The following ANKAR variants were observed in gnomAD, a reference collection of about 807,000 sequenced individuals.
The protein encoded by ANKAR is ankyrin and armadillo repeat-containing protein.
A neutral mutation model predicts 146.2 loss-of-function variants in ANKAR; 136 were observed. The observed-to-expected ratio is 0.93, with a 90% confidence interval of 0.81 to 1.07. The LOEUF is 1.07. Ranked by LOEUF, ANKAR falls within the 50% of genes least tolerant of loss-of-function variation. ANKAR has a pLI of 0.00. For synonymous variants in ANKAR, 500 were observed against 575.8 expected (o/e 0.87, Z 1.88); for missense variants, 1,567 against 1,679.9 (o/e 0.93, Z 1.18).
At chr2:189,696,998 G>T (rs1286838331) in intron 7 of ANKAR, among the ~76,000 whole-genome samples, 2 of 152,068 alleles carry the variant, frequency 1.3e-5, no homozygotes, top group Non-Finnish European at 2.9e-5. Flanking sequence ...TATTAAATAT[G>T]CATGGATATT....
chr2:189,750,681 AT>A (rs757510050), downstream of ANKAR: 67 of 1,538,870 alleles, frequency 4.4e-5, no homozygotes, highest in African/African-American at 8.4e-4. Flanking sequence ...GACAAATCGT[AT>A]TATTTATTTG....
At chr2:189,744,919 A>T (rs2105909980) in intron 22 of ANKAR, 131 bp downstream of exon 22, 1 of 636,688 alleles carries the variant, frequency 1.6e-6, no homozygotes, top group East Asian at 3.2e-5. Flanking sequence ...GCACTTTGGG[A>T]GGCCGAGGTG....
At chr2:189,757,284 A>T (rs2046218699) in intron 18 of ANKAR, among the ~76,000 whole-genome samples, 1 of 152,190 alleles carries the variant, frequency 6.6e-6, no homozygotes, top group Admixed American at 6.5e-5. Context: ...ACTGATTTGG[A>T]TGTGGAATGG....
intron 10 of ANKAR, among the ~76,000 whole-genome samples, chr2:189,714,475 C>G (rs542167258): frequency 6.6e-6 from 1 of 152,308 alleles, no homozygotes; most frequent in East Asian, 1.9e-4. Flanking sequence ...AACCACACAA[C>G]TACATGGAAA....
chr2:189,751,607 G>A (rs944053965), downstream of ANKAR, among the ~76,000 whole-genome samples: 32 of 151,464 alleles, frequency 2.1e-4, no homozygotes, highest in African/African-American at 5.8e-4. Flanking sequence ...ACTACGCCTG[G>A]CTAATTTTTG....
intron 8 of ANKAR, among the ~76,000 whole-genome samples, chr2:189,705,525 A>C (rs1471320894): frequency 6.6e-6 from 1 of 151,846 alleles, no homozygotes. Context: ...GTTTTTCCTA[A>C]CCTTGTTCCA....
chr2:189,733,572 CTATT>C (rs1416274472), intron 17 of ANKAR, among the ~76,000 whole-genome samples: 3 of 152,108 alleles, frequency 2.0e-5, no homozygotes, highest in South Asian at 2.1e-4. Context: ...GCTTCTCAAA[CTATT>C]TATGATGAAG....
rs549088823 is a variant in ANKAR, at chr2:189,707,617, CTT to C, written c.2119+484_2119+485del. Among the ~76,000 whole-genome samples, 24 of 135,012 alleles carry C rather than the reference CTT, an allele frequency of 1.8e-4. 1 individual carries two copies. The highest frequency in any genetic ancestry group is 1.7e-3 in the East Asian group (8 of 4,632). The allele number at this position is 135,012 out of a possible 152,430, so 88.6% of individuals were successfully genotyped here. A position where few individuals can be genotyped will look rare whatever the true frequency, so the allele number is the denominator to read the frequency against. On this transcript the variant is annotated intron_variant, in intron 9 of 22. Coordinates refer to ENST00000684021, the MANE Select transcript of ANKAR (RefSeq NM_001378068.1). Reference sequence around the variant, plus strand: ...TTCTGCTGGAGATTTTATTTTCTTTCTTTTTTTTTTTTTTCAAATTTGCATTC... The same window carrying C: ...TTCTGCTGGAGATTTTATTTTCTTTCTTTTTTTTTTTTCAAATTTGCATTC...
rs547550240 is a variant in ANKAR, at chr2:189,715,830, A to G, written c.2225-3742A>G. On this transcript the variant is annotated intron_variant, in intron 10 of 22. Coordinates refer to ENST00000684021, the MANE Select transcript of ANKAR (RefSeq NM_001378068.1). ...ATCCATCACATAAACAGAACCAACG[A>G]CAAAAACCACATGATTATCTCAATA... is the stretch of plus-strand genomic sequence containing the variant. Among the ~76,000 whole-genome samples, 195 of 152,376 alleles carry G rather than the reference A, an allele frequency of 1.3e-3. 2 individuals carry two copies. The highest frequency in any genetic ancestry group is 4.5e-3 in the African/African-American group (188 of 41,588).
At chr2:189,749,291 T>G (rs2044716957), downstream of ANKAR, among the ~76,000 whole-genome samples, 1 of 302 alleles carries the variant, frequency 3.3e-3, no homozygotes, top group African/African-American at 4.8e-3. Context: ...ACTCCACGGT[T>G]TTTTTTTTTT....
chr2:189,761,539 A>C, downstream of ANKAR: 1 of 1,612,302 alleles, frequency 6.2e-7, no homozygotes, highest in Non-Finnish European at 8.5e-7. Context: ...TTTTATGAAG[A>C]AATAGTGTTC....
chr2:189,747,713 G>A (rs2105930177), downstream of ANKAR, among the ~76,000 whole-genome samples: 1 of 152,136 alleles, frequency 6.6e-6, no homozygotes, highest in Middle Eastern at 3.4e-3. Context: ...ATTTATTCGA[G>A]ATGGAGTCTT....
At chr2:189,703,117 T>C (rs1278298816) in intron 7 of ANKAR, among the ~76,000 whole-genome samples, 1 of 151,900 alleles carries the variant, frequency 6.6e-6, no homozygotes, top group Non-Finnish European at 1.5e-5. Flanking sequence ...TATTGGGAGG[T>C]AGATGAAGAA....
At chr2:189,750,600 G>T, downstream of ANKAR, 1 of 1,585,792 alleles carries the variant, frequency 6.3e-7, no homozygotes. Context: ...TTTTAATTGT[G>T]GTACTTTTAT....
chr2:189,726,480 G>A lies in ANKAR; in HGVS notation c.2636-1376G>A, dbSNP rs113437810. Among the ~76,000 whole-genome samples the A allele has an allele frequency of 5.9e-5, 9 of 152,060 alleles. No individual in the cohort carries two copies. In the East Asian group the frequency reaches 7.7e-4, roughly 13 times the overall value. On this transcript the variant is annotated intron_variant, in intron 12 of 22. Coordinates refer to ENST00000684021, the MANE Select transcript of ANKAR (RefSeq NM_001378068.1). ...CACTTTAAAAATATTCTGGATGGAG[G>A]TGCATATCTTGAGTCATGAGGACAC... is the stretch of plus-strand genomic sequence containing the variant.
intron 10 of ANKAR, among the ~76,000 whole-genome samples, chr2:189,713,946 A>G (rs755923630): frequency 6.6e-6 from 1 of 152,214 alleles, no homozygotes; most frequent in Non-Finnish European, 1.5e-5. Context: ...AAGCAAAAAA[A>G]TAGCAGGGGT....
chr2:189,746,164 G>A (rs2254146), intron 22 of ANKAR, among the ~76,000 whole-genome samples: 138,224 of 152,234 alleles, frequency 0.91, 62,865 homozygotes, highest in Admixed American at 0.95. Flanking sequence ...AGTAGTATTC[G>A]TTCTCTTATT....
intron 18 of ANKAR, among the ~76,000 whole-genome samples, chr2:189,759,519 C>T (rs999243930): frequency 4.6e-5 from 7 of 152,086 alleles, no homozygotes; most frequent in Admixed American, 4.6e-4. Flanking sequence ...CAAAGTGATG[C>T]GATTACAGGC....
intron 21 of ANKAR, among the ~76,000 whole-genome samples, chr2:189,743,853 G>A (rs749110942): frequency 6.6e-5 from 10 of 152,150 alleles, no homozygotes; most frequent in East Asian, 1.9e-4. Flanking sequence ...TGGGTTTTCC[G>A]GACCAGATCC....
Sources: allele counts gnomAD v4.1 joint callset (sites outside exome capture counted in the v4.1 genomes callset), GRCh38; gene constraint gnomAD v4.1.1; transcripts MANE v1.5; gene names NCBI Gene and HGNC (gene_info 2026-07-23, HGNC 2026-07-21).